The following MYO9A variants were observed in gnomAD, a reference collection of about 807,000 sequenced individuals.
MYO9A encodes myosin IXA, also known as unconventional myosin-IXa.
In MYO9A, 103 loss-of-function variants were observed where a neutral mutation model predicts 293.3. The ratio of observed to expected loss-of-function variants is 0.35; its 90% CI spans 0.30 to 0.41. The LOEUF (loss-of-function observed/expected upper bound fraction) is 0.41. MYO9A is among the 10% of genes least tolerant of loss of function. MYO9A has a pLI of 1.00. For synonymous variants in MYO9A, 1,001 were observed against 1,035.7 expected (o/e 0.97, Z 0.64); for missense variants, 2,685 against 3,033.0 (o/e 0.89, Z 2.69).
intron 27 of MYO9A, among the ~76,000 whole-genome samples, chr15:71,885,133 A>G (rs2056983200): frequency 6.6e-6 from 1 of 151,970 alleles, no homozygotes; most frequent in Admixed American, 6.6e-5. Context: ...AATTCTTCTG[A>G]TATTTAGTGT....
intron 6 of MYO9A, among the ~76,000 whole-genome samples, chr15:72,014,641 G>GT (rs1302316169): frequency 2.0e-5 from 3 of 151,824 alleles, no homozygotes; most frequent in Non-Finnish European, 4.4e-5. Flanking sequence ...AGCTGATATG[G>GT]TGCCACTGTG....
chr15:71,854,365 G>A lies in MYO9A; in HGVS notation c.6346+12C>T. The A allele has an allele frequency of 6.8e-7, 1 of 1,467,330 alleles. No individual in the cohort carries two copies. The highest frequency in any genetic ancestry group is 2.5e-5 in the Admixed American group (1 of 40,764). The allele number at this position is 1,467,330 out of a possible 1,614,324, so 90.9% of individuals were successfully genotyped here. ...AAAGTATTTCATTATGATTTAGAGG[G>A]CACTATCTTACCTGTATCTAGACCC... On this transcript the variant is annotated intron_variant, in intron 35 of 41. Transcript: ENST00000356056.
chr15:72,059,955 T>G (rs1049771725), intron 1 of MYO9A, among the ~76,000 whole-genome samples: 19 of 152,208 alleles, frequency 1.2e-4, no homozygotes, highest in Non-Finnish European at 2.5e-4. Context: ...TATATTTCCT[T>G]CTTTTGGAAA....
chr15:72,075,925 T>C (rs1173280837), intron 1 of MYO9A, among the ~76,000 whole-genome samples: 2 of 152,210 alleles, frequency 1.3e-5, no homozygotes, highest in African/African-American at 2.4e-5. Flanking sequence ...TTACCACTTC[T>C]GTTCAACACT....
At chr15:72,001,532 A>T (rs958548355) in intron 8 of MYO9A, among the ~76,000 whole-genome samples, 1 of 137,320 alleles carries the variant, frequency 7.3e-6, no homozygotes, top group Non-Finnish European at 1.5e-5. Context: ...CCAGCCTAGG[A>T]GACAGAGTCA....
At chr15:72,032,423 G>C in intron 3 of MYO9A, 71 bp downstream of exon 3, 1 of 982,564 alleles carries the variant, frequency 1.0e-6, no homozygotes. Context: ...ACAATACATA[G>C]TTTATAAAAG....
intron 1 of MYO9A, among the ~76,000 whole-genome samples, chr15:72,104,323 T>C (rs960615203): frequency 2.6e-5 from 4 of 152,246 alleles, no homozygotes; most frequent in Non-Finnish European, 5.9e-5. Context: ...AAATGCATTT[T>C]CGACTTATGG....
intron 39 of MYO9A, 78 bp from the exon 40 acceptor site, chr15:71,830,389 G>T: frequency 7.4e-7 from 1 of 1,347,764 alleles, no homozygotes; most frequent in Non-Finnish European, 1.0e-6. Flanking sequence ...GATAACAAGT[G>T]TATTTCCATC....
chr15:72,050,444 T>C (rs958761931), intron 1 of MYO9A, among the ~76,000 whole-genome samples: 121 of 152,048 alleles, frequency 8.0e-4, no homozygotes, highest in African/African-American at 2.8e-3. Flanking sequence ...CCATCTCTAC[T>C]GAAAATACAA....
At chr15:71,883,549 G>A (rs1333773705) in intron 28 of MYO9A, 45 bp downstream of exon 28, 2 of 1,576,446 alleles carry the variant, frequency 1.3e-6, no homozygotes, top group African/African-American at 2.7e-5. Flanking sequence ...CAGAAAGAGT[G>A]AACAGAAATT....
intron 12 of MYO9A, among the ~76,000 whole-genome samples, chr15:71,971,671 C>T (rs887433550): frequency 2.6e-5 from 4 of 151,314 alleles, no homozygotes; most frequent in Admixed American, 6.6e-5. Flanking sequence ...ATATATAGGA[C>T]GGAACATCAT....
At chr15:72,069,725 T>C (rs984657539) in intron 1 of MYO9A, among the ~76,000 whole-genome samples, 3 of 152,096 alleles carry the variant, frequency 2.0e-5, no homozygotes, top group Admixed American at 1.3e-4. Flanking sequence ...TCCTTTAATT[T>C]GCATACTCAT....
chr15:71,826,355 T>C lies in MYO9A; in HGVS notation c.*225A>G, dbSNP rs2054500460. ...TAGGTGGCTTTGTATAGTAAAAATC[T>C]CAATTCAAATACAACAGCCAAGGCA... On this transcript the variant is annotated 3_prime_UTR_variant, in exon 42 of 42. Coordinates refer to ENST00000356056, the MANE Select transcript of MYO9A (RefSeq NM_006901.4). 1 of 513,802 alleles carries C rather than the reference T, an allele frequency of 1.9e-6. No homozygotes were observed. 31.8% of individuals were successfully genotyped at this position (513,802 alleles called of 1,614,324 possible).
Position 72,046,431 on chromosome 15 carries a change from C to T in MYO9A, c.133G>A (p.Val45Met). 6.2e-7 allele frequency: 1 copy of T among 1,614,196 alleles called. No homozygotes were observed. The highest frequency in any genetic ancestry group is 1.6e-4 in the Middle Eastern group (1 of 6,062). Residue 45 changes from valine to methionine, a missense_variant, in exon 2 of 42, where the codon GTG becomes ATG. By Grantham distance (21) the Val-to-Met change is conservative. Around this residue, in one of 10 missense-constraint regions of MYO9A, gnomAD observed 67 missense variants for 63.2 expected, o/e 1.06. Coordinates refer to ENST00000356056, the MANE Select transcript of MYO9A (RefSeq NM_006901.4). ...AGTTTGTTTATAAGAGACTCAATCACCTCAGCAGCTGTGGAGTTTTTTCTG... is the reference window on the plus strand; with the variant it reads ...AGTTTGTTTATAAGAGACTCAATCATCTCAGCAGCTGTGGAGTTTTTTCTG... ...PARKNSTAAE[V>M]IESLINKLHL...
Position 72,045,689 on chromosome 15 carries a change from AATTAAAATCAAAAATAAG to A in MYO9A, c.840+17_840+34del. On this transcript the variant is annotated intron_variant, in intron 2 of 41. Transcript: ENST00000356056. ...CCCCACCTCAAAGGATAAAAATCAA[AATTAAAATCAAAAATAAG>A]ATTTCTATATATTTACCTCAAGTAC... 6.5e-7 allele frequency: 1 copy of A among 1,530,578 alleles called. No individual in the cohort carries two copies. Among genetic ancestry groups the A allele is most frequent in the Non-Finnish European group, 8.7e-7 (1 of 1,145,608 alleles). 94.8% of individuals were successfully genotyped at this position (1,530,578 alleles called of 1,614,324 possible).
chr15:71,926,495 G>A (rs1030711301), intron 18 of MYO9A, among the ~76,000 whole-genome samples: 1 of 152,128 alleles, frequency 6.6e-6, no homozygotes, highest in African/African-American at 2.4e-5. Flanking sequence ...GACTGCTTGA[G>A]GTCAGAAGTT....
At chr15:71,845,791 G>A (rs370082032) in intron 39 of MYO9A, among the ~76,000 whole-genome samples, 9 of 152,068 alleles carry the variant, frequency 5.9e-5, no homozygotes, top group African/African-American at 2.2e-4. Flanking sequence ...TGATTAACTG[G>A]AAATTACACA....
At chr15:71,909,102 G>A (rs1050445604) in intron 19 of MYO9A, among the ~76,000 whole-genome samples, 12 of 152,058 alleles carry the variant, frequency 7.9e-5, no homozygotes, top group Non-Finnish European at 1.5e-4. Flanking sequence ...TTTCTTTTTA[G>A]TGTTGAATAA....
chr15:71,971,664 T>G (rs993193127), intron 12 of MYO9A, among the ~76,000 whole-genome samples: 5 of 151,360 alleles, frequency 3.3e-5, no homozygotes, highest in African/African-American at 1.2e-4. Context: ...CCTTAAGATA[T>G]ATAGGACGGA....
Sources: allele counts gnomAD v4.1 joint callset (sites outside exome capture counted in the v4.1 genomes callset), GRCh38; gene constraint gnomAD v4.1.1; regional missense constraint gnomAD v4.1.1; transcripts MANE v1.5; gene names NCBI Gene and HGNC (gene_info 2026-07-23, HGNC 2026-07-21).